WWC2: variants seen among roughly 807,000 people sequenced by gnomAD.
WWC2 encodes the protein protein WWC2.
In WWC2, 101 loss-of-function variants were observed where a neutral mutation model predicts 138.5. That is an observed-to-expected ratio of 0.73 (90% CI 0.62 to 0.86). The LOEUF is 0.86. Among genes scored for constraint, WWC2 ranks in the 40% least tolerant of loss-of-function variants. WWC2 has a pLI of 0.00. For synonymous variants in WWC2, 558 were observed against 538.4 expected (o/e 1.04, Z -0.50); for missense variants, 1,420 against 1,419.4 (o/e 1.00, Z -0.01).
chr4:183,298,481 C>T (rs1209210881), intron 21 of WWC2, among the ~76,000 whole-genome samples: 1 of 152,180 alleles, frequency 6.6e-6, no homozygotes, highest in Non-Finnish European at 1.5e-5. Context: ...CCAGGAGACC[C>T]ATGAGTGCTT....
intron 4 of WWC2, among the ~76,000 whole-genome samples, chr4:183,210,002 T>TTAATTTGA (rs1735552519): frequency 6.6e-6 from 1 of 152,194 alleles, no homozygotes; most frequent in Non-Finnish European, 1.5e-5. Flanking sequence ...ACCGTATGTG[T>TTAATTTGA]TAATTTGATG....
intron 1 of WWC2, among the ~76,000 whole-genome samples, chr4:183,119,261 T>G (rs757696065): frequency 1.6e-4 from 24 of 152,180 alleles, no homozygotes; most frequent in Non-Finnish European, 5.9e-5. Context: ...CACTAGGAAT[T>G]TGGCTGGACT....
chr4:183,115,033 ACT>A (rs1732366792), intron 1 of WWC2, among the ~76,000 whole-genome samples: 2 of 151,214 alleles, frequency 1.3e-5, no homozygotes, highest in Admixed American at 6.6e-5. Flanking sequence ...CCCACCTTCC[ACT>A]CTCAAATAGG....
intron 14 of WWC2, among the ~76,000 whole-genome samples, chr4:183,267,452 G>A (rs965330610): frequency 1.3e-5 from 2 of 152,178 alleles, no homozygotes; most frequent in Non-Finnish European, 2.9e-5. Context: ...TGCCATTGGT[G>A]GCCTTTTAGT....
rs971095196 is a variant in WWC2 at position 183,123,203 on chromosome 4, T to C, written c.131+23581T>C. On this transcript the variant is annotated intron_variant, in intron 1 of 22. Coordinates refer to ENST00000403733, the MANE Select transcript of WWC2 (RefSeq NM_024949.6). ...ACTCTTGCATGTATGTTCAAGTAAG[T>C]TCATTGTAGCTTAATTTGTAAACCC... 2.6e-5 allele frequency among the ~76,000 whole-genome samples: 4 copies of C among 152,334 alleles called. No individual in the cohort carries two copies. The South Asian group carries it at 6.2e-4, about 24-fold the overall frequency.
At chr4:183,254,067 C>T in intron 9 of WWC2, 68 bp downstream of exon 9, 1 of 1,550,456 alleles carries the variant, frequency 6.4e-7, no homozygotes, top group Non-Finnish European at 8.7e-7. Context: ...ATACTATTTT[C>T]CCTGGGTTTG....
chr4:183,171,927 C>G lies in WWC2; in HGVS notation c.132-21672C>G, dbSNP rs143611368. On this transcript the variant is annotated intron_variant, in intron 1 of 22. Coordinates refer to ENST00000403733, the MANE Select transcript of WWC2 (RefSeq NM_024949.6). ...CCCTCATCCTCTTGGTGTTTTCTAT[C>G]ACCTTGTAAAGAAATCAGTAGTCTG... 1.4e-3 allele frequency among the ~76,000 whole-genome samples: 208 copies of G among 152,260 alleles called. 1 individual carries two copies. Among genetic ancestry groups the G allele is most frequent in the African/African-American group, 4.9e-3 (202 of 41,548 alleles).
chr4:183,183,808 C>G (rs1734714584), intron 1 of WWC2, among the ~76,000 whole-genome samples: 2 of 152,066 alleles, frequency 1.3e-5, no homozygotes, highest in African/African-American at 4.8e-5. Flanking sequence ...AAGGCAAAAA[C>G]TTGATATTTT....
At chr4:183,310,918 TTACATATA>T (rs1013071187) in intron 21 of WWC2, among the ~76,000 whole-genome samples, 68 of 151,792 alleles carry the variant, frequency 4.5e-4, no homozygotes, top group African/African-American at 1.6e-3. Context: ...TCTGAGTACT[TTACATATA>T]TATGTACTCA....
At chr4:183,135,425 C>CT (rs1453808317) in intron 1 of WWC2, among the ~76,000 whole-genome samples, 1 of 151,618 alleles carries the variant, frequency 6.6e-6, no homozygotes, top group Admixed American at 6.6e-5. Context: ...TTCATATTTA[C>CT]TTTTTTCTGA....
intron 1 of WWC2, among the ~76,000 whole-genome samples, chr4:183,191,111 G>A (rs979417740): frequency 6.6e-6 from 1 of 152,006 alleles, no homozygotes; most frequent in African/African-American, 2.4e-5. Context: ...CTATCTAGTT[G>A]CTTTATTGAG....
chr4:183,126,136 T>C (rs987604186), intron 1 of WWC2, among the ~76,000 whole-genome samples: 8 of 152,180 alleles, frequency 5.3e-5, no homozygotes, highest in South Asian at 2.1e-4. Flanking sequence ...CTTTCCTCCT[T>C]CTGCAGACTC....
chr4:183,276,685 C>G (rs1737866385), intron 16 of WWC2, among the ~76,000 whole-genome samples: 1 of 151,960 alleles, frequency 6.6e-6, no homozygotes, highest in Non-Finnish European at 1.5e-5. Flanking sequence ...CGTTTTTACC[C>G]TTTTGTTATA....
At chr4:183,161,924 C>T (rs1190947248) in intron 1 of WWC2, among the ~76,000 whole-genome samples, 1 of 152,114 alleles carries the variant, frequency 6.6e-6, no homozygotes, top group Non-Finnish European at 1.5e-5. Context: ...TGAGAGACTT[C>T]AGATATGTAC....
In WWC2 at chr4:183,320,055, A is replaced by T. The variant is rs754468375; in HGVS notation, c.*4326A>T. 1.2e-6 allele frequency: 2 copies of T among 1,614,090 alleles called. No homozygotes were observed. Among genetic ancestry groups the T allele is most frequent in the Non-Finnish European group, 1.7e-6 (2 of 1,180,010 alleles). On this transcript the variant is annotated 3_prime_UTR_variant, in exon 23 of 23. Coordinates refer to ENST00000403733, the MANE Select transcript of WWC2 (RefSeq NM_024949.6). ...TTGCATCCCCACTTCCTCTTGGATG[A>T]CACAGGTTTGCCAGAGTCCCATGGT...
At chr4:183,310,098 T>G (rs990252523) in intron 21 of WWC2, among the ~76,000 whole-genome samples, 3 of 152,190 alleles carry the variant, frequency 2.0e-5, no homozygotes, top group Non-Finnish European at 4.4e-5. Flanking sequence ...TTTAAAGCAG[T>G]GAAACTCCTC....
chr4:183,201,980 C>G lies in WWC2; in HGVS notation c.242-5973C>G, dbSNP rs549657577. 7.9e-5 allele frequency among the ~76,000 whole-genome samples: 12 copies of G among 152,242 alleles called. No homozygotes were observed. In the South Asian group the frequency reaches 1.9e-3, roughly 24 times the overall value. The stretch of plus-strand genomic sequence containing the variant: ...AGGGAAGGGGGCATACTACACCATT[C>G]TGGGCCACATAGTGGGGAAGCGCTT... On this transcript the variant is annotated intron_variant, in intron 2 of 22. Coordinates refer to ENST00000403733, the MANE Select transcript of WWC2 (RefSeq NM_024949.6).
At position 183,264,974 on chromosome 4, in the gene WWC2, A is replaced by C. The variant is rs377216225; in HGVS notation, c.1910-4A>C. Reference sequence around the variant, plus strand: ...GATTAGTGCTCTCACCCTCCCCTCCATAGATGTGGAAAAATCATTACCAAA... The same window carrying C: ...GATTAGTGCTCTCACCCTCCCCTCCCTAGATGTGGAAAAATCATTACCAAA... On this transcript the variant is annotated splice_polypyrimidine_tract_variant and splice_region_variant and intron_variant, in intron 11 of 22. Transcript: ENST00000403733. 131 of 1,611,574 alleles carry C rather than the reference A, an allele frequency of 8.1e-5. No homozygotes were observed. Among genetic ancestry groups the C allele is most frequent in the Middle Eastern group, 1.6e-4 (1 of 6,068 alleles).
At chr4:183,305,381 A>G (rs1738992010) in intron 21 of WWC2, among the ~76,000 whole-genome samples, 1 of 152,128 alleles carries the variant, frequency 6.6e-6, no homozygotes, top group South Asian at 2.1e-4. Flanking sequence ...TTAATGTCAA[A>G]CATTAAACCA....
Sources: allele counts gnomAD v4.1 joint callset (sites outside exome capture counted in the v4.1 genomes callset), GRCh38; gene constraint gnomAD v4.1.1; transcripts MANE v1.5; gene names NCBI Gene and HGNC (gene_info 2026-07-23, HGNC 2026-07-21).